DNER: variants seen among roughly 807,000 people sequenced by gnomAD.
DNER encodes the protein delta/notch like EGF repeat containing, also known as delta and Notch-like epidermal growth factor-related receptor.
A neutral mutation model predicts 78.2 loss-of-function variants in DNER; 33 were observed. The observed-to-expected ratio is 0.42, with a 90% CI of 0.32 to 0.56. The LOEUF (loss-of-function observed/expected upper bound fraction) is 0.56. Ranked by LOEUF, DNER falls within the 20% of genes least tolerant of loss-of-function variation. The probability of loss-of-function intolerance (pLI) is 0.11; values close to 1 mark genes in which losing one functional copy is unlikely to be tolerated. For synonymous variants in DNER, 417 were observed against 384.8 expected, an observed-to-expected ratio of 1.08 and a Z score of -0.98; for missense variants, 918 against 975.3, an observed-to-expected ratio of 0.94 and a Z score of 0.78.
At chr2:229,397,685 G>T (rs756901848) in intron 10 of DNER, among the ~76,000 whole-genome samples, 2 of 151,906 alleles carry the variant, frequency 1.3e-5, no homozygotes, top group Admixed American at 1.3e-4. Context: ...TTCTCTCACC[G>T]TAATTAAATC....
chr2:229,542,278 T>C (rs1313654003), intron 5 of DNER, among the ~76,000 whole-genome samples: 1 of 151,982 alleles, frequency 6.6e-6, no homozygotes, highest in African/African-American at 2.4e-5. Context: ...GAATCAACCC[T>C]TGGTAACACG....
intron 1 of DNER, among the ~76,000 whole-genome samples, chr2:229,636,370 C>A (rs951517046): frequency 3.9e-5 from 6 of 152,162 alleles, no homozygotes; most frequent in Non-Finnish European, 8.8e-5. Context: ...GTTCAACTGG[C>A]ACAAAAAGTC....
intron 12 of DNER, among the ~76,000 whole-genome samples, chr2:229,360,794 G>A (rs1692193226): frequency 6.6e-6 from 1 of 152,176 alleles, no homozygotes. Flanking sequence ...GAAGAGCAAG[G>A]AGCACCACTC....
chr2:229,465,755 C>T (rs937638708), intron 7 of DNER, among the ~76,000 whole-genome samples: 2 of 151,958 alleles, frequency 1.3e-5, no homozygotes, highest in Non-Finnish European at 2.9e-5. Flanking sequence ...ATATGTTGGC[C>T]CCAGACAACA....
chr2:229,471,141 G>GA lies in DNER; in HGVS notation c.1261+5998dup, dbSNP rs373669800. Among the ~76,000 whole-genome samples, 1,278 of 146,300 alleles carry GA rather than the reference G, an allele frequency of 8.7e-3. 21 individuals carry two copies. Among genetic ancestry groups the GA allele is most frequent in the African/African-American group, 0.029 (1,177 of 40,050 alleles). On this transcript the variant is annotated intron_variant, in intron 7 of 12. Transcript: ENST00000341772. ...CAAGATCATACATGTTAGGGTGCTG[G>GA]AAAAAAAAAACAACTAAATCCCAAA...
chr2:229,614,014 C>T (rs1464160835), intron 1 of DNER, among the ~76,000 whole-genome samples: 7 of 103,100 alleles, frequency 6.8e-5, no homozygotes, highest in Admixed American at 1.3e-4. Context: ...TATCACACTC[C>T]GGGGCCTGTT....
chr2:229,371,943 G>A (rs1257788292), intron 11 of DNER, among the ~76,000 whole-genome samples: 1 of 152,182 alleles, frequency 6.6e-6, no homozygotes, highest in East Asian at 1.9e-4. Context: ...TTGTGAGGAG[G>A]GATGTCAAAT....
At chr2:229,504,546 T>A (rs1277296943) in intron 6 of DNER, among the ~76,000 whole-genome samples, 2 of 152,212 alleles carry the variant, frequency 1.3e-5, no homozygotes, top group Non-Finnish European at 2.9e-5. Context: ...AATAAAGTGA[T>A]GAACAACAAT....
At chr2:229,615,448 G>A (rs1282897959) in intron 1 of DNER, among the ~76,000 whole-genome samples, 18 of 149,678 alleles carry the variant, frequency 1.2e-4, no homozygotes, top group South Asian at 4.3e-4. Context: ...GGTGGTTCAC[G>A]CCTGTAATCC....
At chr2:229,490,541 C>T (rs1695377593) in intron 6 of DNER, among the ~76,000 whole-genome samples, 1 of 151,908 alleles carries the variant, frequency 6.6e-6, no homozygotes, top group African/African-American at 2.4e-5. Context: ...TCTATGGAGA[C>T]AGAATGTAGA....
At chr2:229,516,276 C>T (rs2154212420) in intron 5 of DNER, among the ~76,000 whole-genome samples, 1 of 152,284 alleles carries the variant, frequency 6.6e-6, no homozygotes, top group African/African-American at 2.4e-5. Flanking sequence ...AGTTTTAAGA[C>T]TGCTGACTTG....
rs181854924 is a variant in DNER at position 229,476,348 on chromosome 2, C to T, written c.1261+792G>A. ...TCTTACCAACACCCTCCTGGACCAC[C>T]GCCCTCCCCCTGCCTCTCAGCCTTA... On this transcript the variant is annotated intron_variant, in intron 7 of 12. Transcript: ENST00000341772. 1.4e-3 allele frequency among the ~76,000 whole-genome samples: 212 copies of T among 152,230 alleles called. 3 individuals carry two copies. Among genetic ancestry groups the T allele is most frequent in the African/African-American group, 4.9e-3 (204 of 41,524 alleles).
In DNER at chr2:229,706,103, G is replaced by A. The variant is rs551217238; in HGVS notation, c.276+8045C>T. Among the ~76,000 whole-genome samples, 3 of 152,218 alleles carry A rather than the reference G, an allele frequency of 2.0e-5. No individual in the cohort carries two copies. In the East Asian group the frequency reaches 5.8e-4, roughly 29 times the overall value. On this transcript the variant is annotated intron_variant, in intron 1 of 12. Transcript: ENST00000341772. ...CCTAGGTAGAGGTAGCCATCAAGAG[G>A]GATGGAAGAGAACAAGAGGAAAAGG...
intron 11 of DNER, among the ~76,000 whole-genome samples, chr2:229,376,272 G>A (rs1173074825): frequency 6.6e-6 from 1 of 152,100 alleles, no homozygotes; most frequent in Non-Finnish European, 1.5e-5. Flanking sequence ...TCATGAACTA[G>A]GTTAATGTCC....
intron 6 of DNER, among the ~76,000 whole-genome samples, chr2:229,482,488 C>T (rs1695183428): frequency 6.6e-6 from 1 of 152,234 alleles, no homozygotes; most frequent in Non-Finnish European, 1.5e-5. Flanking sequence ...CCTGCACCCT[C>T]ATCTTGGCCC....
At chr2:229,665,140 C>G (rs1253464135) in intron 1 of DNER, among the ~76,000 whole-genome samples, 1 of 152,072 alleles carries the variant, frequency 6.6e-6, no homozygotes, top group Non-Finnish European at 1.5e-5. Context: ...GAATGCCCAC[C>G]TAGATCAGAT....
At position 229,508,813 on chromosome 2, in the gene DNER, G is replaced by A. The variant is rs553771586; in HGVS notation, c.1147+3970C>T. 2.3e-4 allele frequency among the ~76,000 whole-genome samples: 35 copies of A among 152,142 alleles called. No homozygotes were observed. In the South Asian group the frequency reaches 3.9e-3, roughly 17 times the overall value. On this transcript the variant is annotated intron_variant, in intron 6 of 12. Transcript: ENST00000341772. ...GGAGAATGGCGTGAACCTGGGAGGC[G>A]GAGCTTGCAGTGAGCTGAGATCGCA...
At chr2:229,380,278 G>T (rs547449092) in intron 11 of DNER, among the ~76,000 whole-genome samples, 1 of 152,278 alleles carries the variant, frequency 6.6e-6, no homozygotes, top group East Asian at 1.9e-4. Context: ...GTGAGGGCCT[G>T]GTCTTGTGAC....
chr2:229,688,436 A>C (rs1006239048), intron 1 of DNER, among the ~76,000 whole-genome samples: 4 of 152,206 alleles, frequency 2.6e-5, no homozygotes, highest in African/African-American at 4.8e-5. Flanking sequence ...TGAAGACTGA[A>C]ATGCAGAAAA....
Sources: gnomAD v4.1 joint callset for allele counts (sites outside exome capture counted in the v4.1 genomes callset) on GRCh38, gnomAD v4.1.1 for gene constraint, MANE v1.5 for transcripts, NCBI Gene and HGNC (gene_info 2026-07-23, HGNC 2026-07-21) for gene names.